Variants in TTC7B observed in about 807,000 individuals in gnomAD.
The protein encoded by TTC7B is tetratricopeptide repeat domain 7B, also known as tetratricopeptide repeat protein 7B.
Under a neutral mutation model 106.8 loss-of-function variants are expected in TTC7B, and 28 were observed. The observed-to-expected ratio is 0.26, with a 90% confidence interval of 0.19 to 0.36. The LOEUF (loss-of-function observed/expected upper bound fraction) is 0.36. Among genes scored for constraint, TTC7B ranks in the 10% least tolerant of loss-of-function variants. TTC7B has a pLI of 1.00. For missense variants in TTC7B, 862 were observed against 1,076.4 expected (o/e 0.80, Z 2.79); for synonymous variants, 405 against 430.6 (o/e 0.94, Z 0.74).
intron 3 of TTC7B, among the ~76,000 whole-genome samples, chr14:90,776,187 T>G (rs1566881932): frequency 7.8e-6 from 1 of 128,626 alleles, no homozygotes; most frequent in Non-Finnish European, 1.5e-5. Context: ...GCCAGGAATG[T>G]CAGGTGACCA....
At chr14:90,816,078 C>T (rs1168374489) in intron 1 of TTC7B, 97 bp downstream of exon 1, 1 of 978,508 alleles carries the variant, frequency 1.0e-6, no homozygotes, top group Non-Finnish European at 1.2e-6. Context: ...CCGGCCGCGC[C>T]CCTGCCCGCG....
chr14:90,608,738 T>C lies in TTC7B; in HGVS notation c.1966+2004A>G, dbSNP rs1355893623. ...TGAAGAGGGAGACTCTCAAGCACTC[T>C]AGGAAAAATGTCCCAATGGGCAACG... On this transcript the variant is annotated intron_variant, in intron 17 of 19. Coordinates refer to ENST00000328459, the MANE Select transcript of TTC7B (RefSeq NM_001010854.2). This position sits in a 1 kb window ranked among gnomAD's most constrained non-coding sequence, Gnocchi z 5.1. Among the ~76,000 whole-genome samples the C allele has an allele frequency of 6.6e-6, 1 of 152,180 alleles. No individual in the cohort carries two copies. Among genetic ancestry groups the C allele is most frequent in the African/African-American group, 2.4e-5 (1 of 41,448 alleles).
intron 18 of TTC7B, among the ~76,000 whole-genome samples, chr14:90,592,312 AC>A (rs2139820393): frequency 6.6e-6 from 1 of 152,318 alleles, no homozygotes; most frequent in South Asian, 2.1e-4. Flanking sequence ...AAGTGATGAA[AC>A]CTGAGGAGGG....
chr14:90,584,221 T>C (rs951849195), intron 18 of TTC7B, among the ~76,000 whole-genome samples: 2 of 152,246 alleles, frequency 1.3e-5, no homozygotes, highest in Admixed American at 1.3e-4. Context: ...CAAGCTACTC[T>C]GTGAAGGTTT....
chr14:90,583,998 C>G (rs1595178547), intron 18 of TTC7B, among the ~76,000 whole-genome samples: 1 of 152,324 alleles, frequency 6.6e-6, no homozygotes, highest in East Asian at 1.9e-4. Flanking sequence ...CCAGGGCAAG[C>G]ACTTTTCACC....
At chr14:90,696,279 T>C (rs1887743778) in intron 5 of TTC7B, among the ~76,000 whole-genome samples, 2 of 152,148 alleles carry the variant, frequency 1.3e-5, no homozygotes, top group African/African-American at 4.8e-5. Flanking sequence ...CAAATAATTA[T>C]TTTGTAACAT....
intron 1 of TTC7B, among the ~76,000 whole-genome samples, chr14:90,796,323 T>C (rs1020418776): frequency 6.6e-6 from 1 of 152,160 alleles, no homozygotes; most frequent in East Asian, 1.9e-4. Context: ...AGCTCCCCAA[T>C]GGCTTATATA....
chr14:90,565,839 G>A (rs1290132846), intron 19 of TTC7B, among the ~76,000 whole-genome samples: 1 of 152,140 alleles, frequency 6.6e-6, no homozygotes, highest in Non-Finnish European at 1.5e-5. Flanking sequence ...TCCAAGGAGA[G>A]GGAAAAAGAT....
intron 9 of TTC7B, among the ~76,000 whole-genome samples, chr14:90,674,787 C>G (rs1886762149): frequency 6.6e-6 from 1 of 152,188 alleles, no homozygotes; most frequent in Non-Finnish European, 1.5e-5. Flanking sequence ...AACAAATTTG[C>G]CTTTCTTCTA....
At chr14:90,606,928 A>G (rs1892663402) in intron 17 of TTC7B, among the ~76,000 whole-genome samples, 1 of 152,218 alleles carries the variant, frequency 6.6e-6, no homozygotes, top group Non-Finnish European at 1.5e-5. Flanking sequence ...GACCCAGGAT[A>G]TATAATAATA....
At chr14:90,682,533 A>C (rs12147413) in intron 7 of TTC7B, among the ~76,000 whole-genome samples, 20,531 of 152,248 alleles carry the variant, frequency 0.13, 1,678 homozygotes, top group Middle Eastern at 0.21. Context: ...TTGTTTGCTC[A>C]GGGAAGCATG....
intron 5 of TTC7B, chr14:90,698,857 C>T (rs1887870357): frequency 4.1e-6 from 1 of 244,436 alleles, no homozygotes; most frequent in African/African-American, 2.3e-5. Flanking sequence ...CAGAGTCCCA[C>T]AGCCTTGCTC....
chr14:90,693,504 C>T (rs1402554187), intron 6 of TTC7B, among the ~76,000 whole-genome samples: 1 of 152,158 alleles, frequency 6.6e-6, no homozygotes, highest in Non-Finnish European at 1.5e-5. Context: ...CATAAGCATA[C>T]ACCAACCCCT....
chr14:90,579,107 C>A (rs1426384331), intron 18 of TTC7B, among the ~76,000 whole-genome samples: 1 of 152,180 alleles, frequency 6.6e-6, no homozygotes, highest in East Asian at 1.9e-4. Context: ...TGTCGAATAT[C>A]CAGGGGGAAC....
Position 90,680,479 on chromosome 14 carries a change from T to A in TTC7B, c.1007A>T (p.Glu336Val). 1 of 1,613,706 alleles carries A rather than the reference T, an allele frequency of 6.2e-7. No individual in the cohort carries two copies. The highest frequency in any genetic ancestry group is 8.5e-7 in the Non-Finnish European group (1 of 1,179,692). Residue 336 changes from glutamate to valine, a missense_variant, in exon 8 of 20, where the codon GAA becomes GTA. Physicochemically the swap from Glu to Val is moderately radical, Grantham distance 121 (BLOSUM62 -2). Transcript: ENST00000328459. Reference sequence around the variant, plus strand: ...AAAACACATTCCACTTACCATTGATTCACTAATCAGCAATAACAACAGGGC... The same window carrying A: ...AAAACACATTCCACTTACCATTGATACACTAATCAGCAATAACAACAGGGC... ...EEALLLLLIS[E>V]SMANRDAVLS... is the part of the protein sequence containing the mutation.
chr14:90,784,058 G>A (rs889414954), intron 2 of TTC7B, among the ~76,000 whole-genome samples: 6 of 152,012 alleles, frequency 3.9e-5, no homozygotes, highest in African/African-American at 1.5e-4. Context: ...GTTGGGGGGC[G>A]GGTAGACGGG....
intron 9 of TTC7B, among the ~76,000 whole-genome samples, chr14:90,668,657 G>A (rs981739872): frequency 2.0e-5 from 3 of 151,986 alleles, no homozygotes; most frequent in African/African-American, 7.3e-5. Flanking sequence ...TTCCATATAA[G>A]GGGACAGGTT....
rs543573583 is a variant in TTC7B, at chr14:90,786,469, A to G, written c.122-141T>C. 24 of 894,640 alleles carry G rather than the reference A, an allele frequency of 2.7e-5. No homozygotes were observed. In the Admixed American group the frequency reaches 4.8e-4, roughly 18 times the overall value. 55.4% of individuals were successfully genotyped at this position (894,640 alleles called of 1,614,324 possible). On this transcript the variant is annotated intron_variant, in intron 1 of 19. Transcript: ENST00000328459. ...CCTTCTGGAACTTCATAGCCTTCAT[A>G]GGGTCTAAGTGGGCACCACCTCATA...
At chr14:90,683,096 A>G (rs1003915140) in intron 7 of TTC7B, among the ~76,000 whole-genome samples, 5 of 152,186 alleles carry the variant, frequency 3.3e-5, no homozygotes, top group Non-Finnish European at 7.4e-5. Flanking sequence ...AAATTAATCC[A>G]ACTTTACCCA....
Sources: allele counts gnomAD v4.1 joint callset (sites outside exome capture counted in the v4.1 genomes callset), GRCh38; gene constraint gnomAD v4.1.1; non-coding constraint Gnocchi (gnomAD v3.1); transcripts MANE v1.5; gene names NCBI Gene and HGNC (gene_info 2026-07-23, HGNC 2026-07-21).